The following BCAR3 variants were observed in gnomAD, a reference collection of about 807,000 sequenced individuals.
The protein encoded by BCAR3 is BCAR3 adaptor protein, NSP family member.
In BCAR3, 37 loss-of-function variants were observed where a neutral mutation model predicts 80.1. The ratio of observed to expected loss-of-function variants is 0.46; its 90% CI spans 0.36 to 0.61. BCAR3 has a LOEUF of 0.61. Ranked by LOEUF, BCAR3 falls within the 20% of genes least tolerant of loss-of-function variation. The pLI is 0.00. For missense variants in BCAR3, 978 were observed against 1,068.2 expected, an observed-to-expected ratio of 0.92 and a Z score of 1.18; for synonymous variants, 389 against 418.9, an observed-to-expected ratio of 0.93 and a Z score of 0.87.
chr1:93,744,711 G>A (rs1470500239), intron 2 of BCAR3, among the ~76,000 whole-genome samples: 1 of 152,136 alleles, frequency 6.6e-6, no homozygotes, highest in East Asian at 1.9e-4. Flanking sequence ...CCCCTGTCCC[G>A]CCTTCCTTGG....
chr1:93,577,931 G>A (rs917819527), intron 7 of BCAR3, among the ~76,000 whole-genome samples: 22 of 152,328 alleles, frequency 1.4e-4, no homozygotes, highest in African/African-American at 5.3e-4. Context: ...ACGCCTGCTT[G>A]CCTGAGGGCT....
intron 11 of BCAR3, among the ~76,000 whole-genome samples, chr1:93,564,428 G>A (rs143776112): frequency 0.037 from 5,590 of 151,332 alleles, 167 homozygotes; most frequent in East Asian, 0.15. Flanking sequence ...ACAGGCATGC[G>A]CCACCACGCC....
chr1:93,812,491 T>C (rs930367600), intron 2 of BCAR3, among the ~76,000 whole-genome samples: 1 of 152,228 alleles, frequency 6.6e-6, no homozygotes, highest in Non-Finnish European at 1.5e-5. Flanking sequence ...TTCAACTGCC[T>C]TTCTGCCCAC....
intron 2 of BCAR3, among the ~76,000 whole-genome samples, chr1:93,808,944 T>C (rs1008536550): frequency 6.6e-6 from 1 of 152,172 alleles, no homozygotes; most frequent in Non-Finnish European, 1.5e-5. Flanking sequence ...GTCTTCAACT[T>C]GTAGAGTCAA....
chr1:93,612,610 G>A (rs563393687), intron 3 of BCAR3, among the ~76,000 whole-genome samples: 6 of 152,258 alleles, frequency 3.9e-5, no homozygotes, highest in Non-Finnish European at 7.4e-5. Context: ...GCCAATCCCC[G>A]AAGTGCACCA....
intron 5 of BCAR3, chr1:93,585,029 G>C: frequency 1.0e-6 from 1 of 985,464 alleles, no homozygotes; most frequent in Non-Finnish European, 1.2e-6. Flanking sequence ...AAGGAACAGA[G>C]AAATTCCAGC....
intron 2 of BCAR3, among the ~76,000 whole-genome samples, chr1:93,740,448 G>A (rs1218909895): frequency 2.0e-5 from 3 of 152,220 alleles, no homozygotes; most frequent in Non-Finnish European, 4.4e-5. Context: ...CAGTCTGTCA[G>A]GGTCTGTCCT....
At chr1:93,817,963 C>A (rs1654078908) in intron 2 of BCAR3, among the ~76,000 whole-genome samples, 1 of 152,210 alleles carries the variant, frequency 6.6e-6, no homozygotes, top group African/African-American at 2.4e-5. Context: ...CCGCCCCACA[C>A]CACACGAAGC....
intron 3 of BCAR3, among the ~76,000 whole-genome samples, chr1:93,606,912 A>G (rs1313252191): frequency 6.6e-6 from 1 of 152,258 alleles, no homozygotes; most frequent in East Asian, 1.9e-4. Flanking sequence ...AGTGCTGCAG[A>G]GAGTTCCAAT....
chr1:93,593,437 GCCTCCTGGGCTCAAGCAA>G (rs1189960703), intron 3 of BCAR3, among the ~76,000 whole-genome samples: 3 of 151,960 alleles, frequency 2.0e-5, no homozygotes, highest in Non-Finnish European at 2.9e-5. Flanking sequence ...TGTAGCCTTG[GCCTCCTGGGCTCAAGCAA>G]CCTCCTGGGC....
intron 2 of BCAR3, among the ~76,000 whole-genome samples, chr1:93,725,402 T>C (rs1650545846): frequency 6.6e-6 from 1 of 152,260 alleles, no homozygotes; most frequent in Non-Finnish European, 1.5e-5. Flanking sequence ...AGGCCGAGCA[T>C]CTTTCCACAT....
At chr1:93,613,808 A>G in intron 3 of BCAR3, 1 of 1,546,588 alleles carries the variant, frequency 6.5e-7, no homozygotes, top group Non-Finnish European at 8.7e-7. Flanking sequence ...GGTCCCCCAA[A>G]AGATTGACAG....
At chr1:93,810,209 G>A (rs1433630015) in intron 2 of BCAR3, among the ~76,000 whole-genome samples, 809 of 129,976 alleles carry the variant, frequency 6.2e-3, no homozygotes, top group African/African-American at 0.015. Context: ...AAAAAAAAAA[G>A]AAATTGCTGT....
rs1439222562 is a variant in BCAR3, at chr1:93,831,121, G to A, written c.-63+14446C>T. On this transcript the variant is annotated intron_variant, in intron 2 of 13. Transcript: ENST00000370244. Reference sequence around the variant, plus strand: ...TGTGGGGACGCCTGCCTGATTATTCGCCCATACTCCATTGGTGTCTGATCA... The same window carrying A: ...TGTGGGGACGCCTGCCTGATTATTCACCCATACTCCATTGGTGTCTGATCA... Among the ~76,000 whole-genome samples, 4 of 151,978 alleles carry A rather than the reference G, an allele frequency of 2.6e-5. 1 individual carries two copies. Among genetic ancestry groups the A allele is most frequent in the South Asian group, 2.1e-4 (1 of 4,818 alleles).
At chr1:93,660,920 AG>A (rs1571018448) in intron 2 of BCAR3, among the ~76,000 whole-genome samples, 1 of 150,936 alleles carries the variant, frequency 6.6e-6, no homozygotes, top group Non-Finnish European at 1.5e-5. Context: ...CTTGTTGCCC[AG>A]GCTGGAGTGC....
chr1:93,823,281 G>A (rs1654286423), intron 2 of BCAR3, among the ~76,000 whole-genome samples: 1 of 133,546 alleles, frequency 7.5e-6, no homozygotes, highest in Non-Finnish European at 1.7e-5. Flanking sequence ...TACTTCTTAG[G>A]AGTCAAAAGC....
rs1405471216 is a variant in BCAR3 at position 93,592,868 on chromosome 1, C to T, written c.358-475G>A. ...GGTAGCGATGGCCCTAACTTCTTTG[C>T]TGTTGGTAAACTCATGTTCAGGAAT... is the stretch of plus-strand genomic sequence containing the variant. On this transcript the variant is annotated intron_variant, in intron 3 of 11. Coordinates refer to ENST00000260502, the MANE Select transcript of BCAR3 (RefSeq NM_003567.4). The surrounding 1 kb of genome is among the most constrained non-coding windows in gnomAD (Gnocchi z 4.8). Among the ~76,000 whole-genome samples, 1 of 152,242 alleles carries T rather than the reference C, an allele frequency of 6.6e-6. No homozygotes were observed. The highest frequency in any genetic ancestry group is 1.5e-5 in the Non-Finnish European group (1 of 68,034).
intron 3 of BCAR3, among the ~76,000 whole-genome samples, chr1:93,609,609 A>G (rs1162736717): frequency 2.6e-5 from 4 of 152,234 alleles, no homozygotes; most frequent in Non-Finnish European, 5.9e-5. Context: ...AGGGGCCAGA[A>G]GAGGTAGGGG....
chr1:93,753,118 A>T (rs1651620165), intron 2 of BCAR3: 1 of 152,234 alleles, frequency 6.6e-6, no homozygotes, highest in African/African-American at 2.4e-5. Flanking sequence ...ACTCAGGTTC[A>T]ACTTTAAGAA....
Sources: allele counts gnomAD v4.1 joint callset (sites outside exome capture counted in the v4.1 genomes callset), GRCh38; gene constraint gnomAD v4.1.1; non-coding constraint Gnocchi (gnomAD v3.1); transcripts MANE v1.5; gene names NCBI Gene and HGNC (gene_info 2026-07-23, HGNC 2026-07-21).